The following TLK1 variants were observed in gnomAD, a reference collection of about 807,000 sequenced individuals.
TLK1 encodes tousled like kinase 1, also known as serine/threonine-protein kinase tousled-like 1.
In TLK1, 24 loss-of-function variants were observed where a neutral mutation model predicts 105.3. That is an observed-to-expected ratio of 0.23 (90% CI 0.17 to 0.32). TLK1 has a LOEUF of 0.32. Among genes scored for constraint, TLK1 ranks in the 10% least tolerant of loss-of-function variants. TLK1 has a pLI of 1.00. For missense variants in TLK1, 558 were observed against 910.5 expected, an observed-to-expected ratio of 0.61 and a Z score of 4.98; for synonymous variants, 321 against 310.4, an observed-to-expected ratio of 1.03 and a Z score of -0.36.
At chr2:171,193,558 G>A (rs112621177) in intron 1 of TLK1, among the ~76,000 whole-genome samples, 1 of 150,940 alleles carries the variant, frequency 6.6e-6, no homozygotes, top group Non-Finnish European at 1.5e-5. Context: ...CACCACGCCC[G>A]GCTAATTTTT....
At chr2:171,039,342 T>G (rs550211145) in intron 11 of TLK1, among the ~76,000 whole-genome samples, 1 of 152,326 alleles carries the variant, frequency 6.6e-6, no homozygotes, top group East Asian at 1.9e-4. Context: ...CATGGCTCAC[T>G]GCAGCCTTGG....
chr2:171,104,092 A>G (rs903027280), intron 2 of TLK1, among the ~76,000 whole-genome samples: 5 of 152,126 alleles, frequency 3.3e-5, no homozygotes, highest in Admixed American at 1.3e-4. Context: ...CCTGGCCAGC[A>G]TGGTGAAATG....
chr2:171,157,434 A>T (rs1285773690), intron 1 of TLK1, among the ~76,000 whole-genome samples: 1 of 152,230 alleles, frequency 6.6e-6, no homozygotes, highest in Non-Finnish European at 1.5e-5. Flanking sequence ...TTCAACAGAA[A>T]ATCTAGAGCT....
intron 18 of TLK1, 65 bp downstream of exon 18, chr2:171,006,082 C>G: frequency 1.4e-6 from 2 of 1,388,844 alleles, no homozygotes; most frequent in South Asian, 3.8e-5. Context: ...AAAAAAAACA[C>G]TAAATTATTA....
intron 1 of TLK1, among the ~76,000 whole-genome samples, chr2:171,168,992 C>T (rs991600252): frequency 1.4e-4 from 21 of 151,918 alleles, no homozygotes; most frequent in African/African-American, 4.8e-4. Context: ...GCAGGAGAAT[C>T]GCTTGAACCT....
chr2:171,203,061 A>G (rs1693433516), intron 1 of TLK1, among the ~76,000 whole-genome samples: 1 of 152,086 alleles, frequency 6.6e-6, no homozygotes, highest in South Asian at 2.1e-4. Context: ...TCTTCCAATT[A>G]ATTTCTTTAA....
chr2:171,122,721 T>G lies in TLK1; in HGVS notation c.140-4864A>C, dbSNP rs74386444. ...TTCCAAAAACTTTTTATTGACAAAATCCAAGATACAATAATGAGTATAATA... is the reference window on the plus strand; with the variant it reads ...TTCCAAAAACTTTTTATTGACAAAAGCCAAGATACAATAATGAGTATAATA... On this transcript the variant is annotated intron_variant, in intron 1 of 20. Transcript: ENST00000431350. Among the ~76,000 whole-genome samples, 609 of 151,052 alleles carry G rather than the reference T, an allele frequency of 4.0e-3. 5 individuals are homozygous for G. Among genetic ancestry groups the G allele is most frequent in the Middle Eastern group, 0.014 (4 of 294 alleles).
At chr2:171,136,096 C>T (rs1691310547) in intron 1 of TLK1, among the ~76,000 whole-genome samples, 1 of 152,086 alleles carries the variant, frequency 6.6e-6, no homozygotes, top group Non-Finnish European at 1.5e-5. Flanking sequence ...AATGGATAAA[C>T]AAAATGTGGT....
intron 2 of TLK1, among the ~76,000 whole-genome samples, chr2:171,110,439 A>G (rs1011797782): frequency 3.3e-5 from 5 of 152,262 alleles, no homozygotes; most frequent in Non-Finnish European, 5.9e-5. Context: ...ACTGCACTCC[A>G]GTTGGGCGAC....
At chr2:171,020,077 A>T (rs1406419142) in intron 12 of TLK1, among the ~76,000 whole-genome samples, 1 of 151,990 alleles carries the variant, frequency 6.6e-6, no homozygotes, top group African/African-American at 2.4e-5. Flanking sequence ...AAAAAAAAAA[A>T]AATTTAACAC....
chr2:171,050,482 G>A (rs1687184538), intron 8 of TLK1, among the ~76,000 whole-genome samples: 1 of 152,076 alleles, frequency 6.6e-6, no homozygotes, highest in African/African-American at 2.4e-5. Flanking sequence ...CTAAATAGAA[G>A]CAACACAATC....
chr2:171,042,061 AT>A (rs1345526476), intron 11 of TLK1, among the ~76,000 whole-genome samples: 5 of 152,152 alleles, frequency 3.3e-5, no homozygotes, highest in Non-Finnish European at 5.9e-5. Context: ...CCATCACTTC[AT>A]TTGCCACAGA....
rs116218616 is a variant in TLK1, at chr2:171,001,109, C to T, written c.1905-3286G>A. On this transcript the variant is annotated intron_variant, in intron 18 of 20. Coordinates refer to ENST00000431350, the MANE Select transcript of TLK1 (RefSeq NM_012290.5). ...ATATGCAACAACTGGACACGGTTTT[C>T]TCTTGCAGCAATGTACTCTTTCAGG... Among the ~76,000 whole-genome samples, 291 of 152,332 alleles carry T rather than the reference C, an allele frequency of 1.9e-3. 3 individuals are homozygous for T. Among genetic ancestry groups the T allele is most frequent in the African/African-American group, 6.8e-3 (284 of 41,574 alleles).
At chr2:171,035,281 G>GC (rs1294766439) in intron 11 of TLK1, among the ~76,000 whole-genome samples, 1 of 151,934 alleles carries the variant, frequency 6.6e-6, no homozygotes, top group Non-Finnish European at 1.5e-5. Flanking sequence ...GGCGGAGGTT[G>GC]CGGTGAGCCG....
intron 1 of TLK1, among the ~76,000 whole-genome samples, chr2:171,169,702 GA>G (rs201451554): frequency 6.6e-6 from 1 of 151,462 alleles, no homozygotes; most frequent in Non-Finnish European, 1.5e-5. Context: ...ACTTTATGGG[GA>G]AAAAAAACGC....
chr2:171,018,243 C>G (rs1685302190), intron 12 of TLK1, among the ~76,000 whole-genome samples: 1 of 152,228 alleles, frequency 6.6e-6, no homozygotes, highest in South Asian at 2.1e-4. Context: ...GGGTGGCTAT[C>G]TGCAAGCCAG....
intron 2 of TLK1, among the ~76,000 whole-genome samples, chr2:171,114,530 C>G (rs1690324782): frequency 6.6e-6 from 1 of 152,062 alleles, no homozygotes; most frequent in Admixed American, 6.6e-5. Flanking sequence ...AAGAACACAG[C>G]AGCCTCTAGA....
At chr2:171,202,713 C>T (rs1693428052) in intron 1 of TLK1, among the ~76,000 whole-genome samples, 1 of 152,156 alleles carries the variant, frequency 6.6e-6, no homozygotes. Context: ...GCCGAGATTG[C>T]ACCACTGCAC....
chr2:171,053,678 A>T, intron 8 of TLK1, 83 bp downstream of exon 8: 2 of 1,135,152 alleles, frequency 1.8e-6, no homozygotes, highest in Non-Finnish European at 2.5e-6. Flanking sequence ...AGATTTTTTT[A>T]CAATGCTAAG....
Sources: gnomAD v4.1 joint callset for allele counts (sites outside exome capture counted in the v4.1 genomes callset) on GRCh38, gnomAD v4.1.1 for gene constraint, MANE v1.5 for transcripts, NCBI Gene and HGNC (gene_info 2026-07-23, HGNC 2026-07-21) for gene names.